The following INSL6 variants were observed in gnomAD, a reference collection of about 807,000 sequenced individuals.
The protein encoded by INSL6 is insulin like 6.
Under a neutral mutation model 9.4 loss-of-function variants are expected in INSL6, and 16 were observed. That is an observed-to-expected ratio of 1.70 (90% CI 1.15 to 2.59). The LOEUF (loss-of-function observed/expected upper bound fraction) is 2.59, where lower values mean the gene tolerates loss of function less well. Among genes scored for constraint, INSL6 ranks in the 30% most tolerant of loss-of-function variants. The pLI, the probability that INSL6 is intolerant of heterozygous loss-of-function variation, is 0.00. For synonymous variants in INSL6, 154 were observed against 96.9 expected (o/e 1.59, Z -3.46); for missense variants, 391 against 257.3 (o/e 1.52, Z -3.56).
intron 3 of INSL6, among the ~76,000 whole-genome samples, chr9:5,129,715 CTAGCTGCTAAGCGT>C (rs1476602069): frequency 6.6e-6 from 1 of 152,046 alleles, no homozygotes; most frequent in Admixed American, 6.6e-5. Flanking sequence ...ATCAAGATAA[CTAGCTGCTAAGCGT>C]TTCATAATTC....
the INSL6 span, among the ~76,000 whole-genome samples, chr9:5,024,914 G>A: frequency 6.6e-6 from 1 of 152,206 alleles, no homozygotes. Flanking sequence ...CACACTGGGA[G>A]CACCAATTGC....
At chr9:5,097,494 TG>T in the INSL6 span, 2 of 152,204 alleles carry the variant, frequency 1.3e-5, no homozygotes, top group African/African-American at 2.4e-5. Flanking sequence ...TAATATCTAT[TG>T]GCTTCTTAGG....
the INSL6 span, among the ~76,000 whole-genome samples, chr9:5,028,293 G>C: frequency 2.0e-5 from 3 of 152,190 alleles, no homozygotes; most frequent in African/African-American, 7.2e-5. Flanking sequence ...ATAATACTTG[G>C]ACAGGAATCT....
chr9:5,111,845 C>T, the INSL6 span: 1 of 400,302 alleles, frequency 2.5e-6, no homozygotes, highest in Non-Finnish European at 4.9e-6. Context: ...GTCGGCGGGG[C>T]CGACAACCTC....
At chr9:5,153,399 C>A (rs1824752122) in intron 2 of INSL6, among the ~76,000 whole-genome samples, 1 of 152,182 alleles carries the variant, frequency 6.6e-6, no homozygotes, top group South Asian at 2.1e-4. Flanking sequence ...GTGGTTTCAC[C>A]CTCACGGTGT....
intron 3 of INSL6, chr9:5,127,749 T>A (rs760162707): frequency 2.2e-5 from 5 of 232,512 alleles, no homozygotes; most frequent in Non-Finnish European, 4.3e-5. Context: ...GATTAGATTG[T>A]TTTTTAAAAA....
intron 1 of INSL6, among the ~76,000 whole-genome samples, chr9:5,169,498 T>C (rs954994616): frequency 1.2e-4 from 19 of 152,174 alleles, no homozygotes; most frequent in African/African-American, 4.1e-4. Flanking sequence ...AGCATCATGA[T>C]GACAGGATCA....
the INSL6 span, among the ~76,000 whole-genome samples, chr9:5,102,012 C>G: frequency 2.6e-5 from 4 of 152,076 alleles, no homozygotes; most frequent in African/African-American, 9.7e-5. Flanking sequence ...AGGATTGCAG[C>G]TCCTTGCCAG....
chr9:5,060,521 G>C, the INSL6 span, among the ~76,000 whole-genome samples: 1 of 152,138 alleles, frequency 6.6e-6, no homozygotes, highest in African/African-American at 2.4e-5. Flanking sequence ...TCCATCTCAA[G>C]AAACCATTTT....
At chr9:5,077,423 CTTA>C in the INSL6 span, 44 of 815,514 alleles carry the variant, frequency 5.4e-5, no homozygotes, top group African/African-American at 7.3e-5. Flanking sequence ...ATACTTAAGC[CTTA>C]TTATTATTAC....
At chr9:5,050,834 A>G in the INSL6 span, 2 of 1,612,048 alleles carry the variant, frequency 1.2e-6, no homozygotes, top group South Asian at 1.1e-5. Context: ...TCTATCAGGT[A>G]ATTTTCTTTT....
chr9:5,026,694 T>C, the INSL6 span, among the ~76,000 whole-genome samples: 4 of 152,298 alleles, frequency 2.6e-5, no homozygotes, highest in African/African-American at 9.6e-5. Flanking sequence ...GTTCACGTGA[T>C]TGTTGTGTTT....
chr9:5,112,570 C>T, the INSL6 span: 1 of 658,344 alleles, frequency 1.5e-6, no homozygotes, highest in Non-Finnish European at 2.6e-6. Flanking sequence ...CAGGGAGCGG[C>T]TGCGGGTCCC....
chr9:5,090,028 T>C, the INSL6 span, among the ~76,000 whole-genome samples: 2 of 152,222 alleles, frequency 1.3e-5, no homozygotes, highest in African/African-American at 4.8e-5. Context: ...ACTATAACTA[T>C]AGGAAGTATT....
chr9:5,019,908 C>T, the INSL6 span, among the ~76,000 whole-genome samples: 1 of 152,206 alleles, frequency 6.6e-6, no homozygotes, highest in Non-Finnish European at 1.5e-5. Context: ...GACTGATCCT[C>T]AGTCCTCAGT....
intron 1 of INSL6, among the ~76,000 whole-genome samples, chr9:5,170,797 T>G (rs572598296): frequency 1.3e-5 from 2 of 152,110 alleles, no homozygotes; most frequent in African/African-American, 2.4e-5. Context: ...CAGGAAGAAG[T>G]TGAATCCCTG....
At chr9:5,172,747 G>C (rs1412212654) in intron 1 of INSL6, among the ~76,000 whole-genome samples, 4 of 152,174 alleles carry the variant, frequency 2.6e-5, no homozygotes, top group Non-Finnish European at 5.9e-5. Flanking sequence ...GGCCAATGTA[G>C]TGAAACCCTG....
chr9:5,097,714 G>C, the INSL6 span: 1 of 152,086 alleles, frequency 6.6e-6, no homozygotes, highest in East Asian at 1.9e-4. Context: ...CACAGTAGGA[G>C]GTCTAATTGG....
At chr9:5,121,711 G>A (rs1823627447), downstream of INSL6, among the ~76,000 whole-genome samples, 1 of 152,136 alleles carries the variant, frequency 6.6e-6, no homozygotes, top group African/African-American at 2.4e-5. Context: ...TTTTCTGAAT[G>A]CTCTAAGAAC....
Sources: gnomAD v4.1 joint callset for allele counts (sites outside exome capture counted in the v4.1 genomes callset) on GRCh38, gnomAD v4.1.1 for gene constraint, MANE v1.5 for transcripts, NCBI Gene and HGNC (gene_info 2026-07-23, HGNC 2026-07-21) for gene names.